C16orf74: variants seen among roughly 807,000 people sequenced by gnomAD.
C16orf74 encodes the protein uncharacterized protein C16orf74.
A neutral mutation model predicts 6.5 loss-of-function variants in C16orf74; 10 were observed. The ratio of observed to expected loss-of-function variants is 1.54; its 90% CI spans 0.95 to 2.61. The LOEUF (loss-of-function observed/expected upper bound fraction) is 2.61. Among genes scored for constraint, C16orf74 ranks in the 30% most tolerant of loss-of-function variants. C16orf74 has a pLI of 0.00. For synonymous variants in C16orf74, 60 were observed against 42.5 expected (o/e 1.41, Z -1.60); for missense variants, 141 against 105.9 (o/e 1.33, Z -1.45).
chr16:85,740,413 C>G (rs2054291829), intron 1 of C16orf74, among the ~76,000 whole-genome samples: 1 of 150,954 alleles, frequency 6.6e-6, no homozygotes, highest in Non-Finnish European at 1.5e-5. Context: ...AAAAAATTAT[C>G]CAGGTGTGGC....
Position 85,710,150 on chromosome 16 carries a change from G to A in C16orf74, c.172+14C>T, listed in dbSNP as rs930542153. 7.1e-6 allele frequency: 10 copies of A among 1,412,604 alleles called. No homozygotes were observed. Among genetic ancestry groups the A allele is most frequent in the South Asian group, 3.3e-5 (2 of 60,262 alleles). 87.5% of individuals were successfully genotyped at this position (1,412,604 alleles called of 1,614,324 possible). On this transcript the variant is annotated intron_variant, in intron 3 of 3. Coordinates refer to ENST00000284245, the MANE Select transcript of C16orf74 (RefSeq NM_206967.3). ...ACAGCCGACCCGGCTTGGCGGTGGA[G>A]GGGACGGCCTCACCTGTGCTCCCCA...
intron 1 of C16orf74, among the ~76,000 whole-genome samples, chr16:85,738,818 T>C (rs1302274417): frequency 6.6e-6 from 1 of 152,014 alleles, no homozygotes; most frequent in Non-Finnish European, 1.5e-5. Flanking sequence ...TCAGAGCCCT[T>C]TATGTGTATT....
intron 2 of C16orf74, among the ~76,000 whole-genome samples, chr16:85,711,544 A>G (rs1031114166): frequency 1.3e-5 from 2 of 151,262 alleles, no homozygotes; most frequent in African/African-American, 4.9e-5. Flanking sequence ...AATTGCTTGA[A>G]TCCGGGAGGC....
At chr16:85,708,202 AG>A in intron 3 of C16orf74, 136 bp from the exon 4 acceptor site, 1 of 722,060 alleles carries the variant, frequency 1.4e-6, no homozygotes, top group Non-Finnish European at 2.3e-6. Flanking sequence ...GATGGGACCC[AG>A]CCCAGTGATG....
rs576226889 is a variant in C16orf74 at position 85,729,524 on chromosome 16, G to C, written c.28+5666C>G. Among the ~76,000 whole-genome samples, 4 of 152,356 alleles carry C rather than the reference G, an allele frequency of 2.6e-5. No homozygotes were observed. In the East Asian group the frequency reaches 5.8e-4, roughly 22 times the overall value. On this transcript the variant is annotated intron_variant, in intron 2 of 3. Coordinates refer to ENST00000284245, the MANE Select transcript of C16orf74 (RefSeq NM_206967.3). ...CACATTCCTGCCCCCCACAGGGGAAGCTCAGAGGTGAACTGACTTAATGGG... is the reference window on the plus strand; with the variant it reads ...CACATTCCTGCCCCCCACAGGGGAACCTCAGAGGTGAACTGACTTAATGGG...
At chr16:85,711,349 T>G (rs969629039) in intron 2 of C16orf74, among the ~76,000 whole-genome samples, 6 of 144,276 alleles carry the variant, frequency 4.2e-5, no homozygotes, top group Non-Finnish European at 7.5e-5. Context: ...GCGTGGTGGC[T>G]CATACCTGTA....
At chr16:85,725,943 T>G (rs2054128526) in intron 2 of C16orf74, among the ~76,000 whole-genome samples, 1 of 152,112 alleles carries the variant, frequency 6.6e-6, no homozygotes, top group Non-Finnish European at 1.5e-5. Context: ...TATCACCTGC[T>G]GGCCCCAGGG....
intron 1 of C16orf74, chr16:85,741,576 GT>G (rs1567812887): frequency 2.9e-5 from 5 of 170,344 alleles, no homozygotes; most frequent in African/African-American, 1.2e-4. Context: ...CACGTGGAGA[GT>G]TTTCACACAG....
At chr16:85,728,513 G>C (rs2054156307) in intron 2 of C16orf74, among the ~76,000 whole-genome samples, 1 of 152,136 alleles carries the variant, frequency 6.6e-6, no homozygotes, top group East Asian at 1.9e-4. Context: ...CCAGGCTGGA[G>C]CTGACGCCCA....
rs141310629 is a variant in C16orf74, at chr16:85,742,033, G to C, written c.-18-6798C>G. ...TGCTTGGTGCCGTCCTCACAGTAAT[G>C]GATGAGTTCGCTCCCTATTGGTTCC... is the stretch of plus-strand genomic sequence containing the variant. On this transcript the variant is annotated intron_variant, in intron 1 of 3. Coordinates refer to ENST00000284245, the MANE Select transcript of C16orf74 (RefSeq NM_206967.3). Among the ~76,000 whole-genome samples the C allele has an allele frequency of 6.9e-3, 1,056 of 152,264 alleles. 14 individuals carry two copies. Among genetic ancestry groups the C allele is most frequent in the African/African-American group, 0.024 (1,003 of 41,556 alleles).
intron 1 of C16orf74, among the ~76,000 whole-genome samples, chr16:85,743,967 C>T (rs942002799): frequency 2.6e-5 from 4 of 151,532 alleles, no homozygotes; most frequent in East Asian, 1.9e-4. Context: ...GGCAGGAGAA[C>T]GGTGAGAACC....
chr16:85,729,923 A>C (rs2054170831), intron 2 of C16orf74, among the ~76,000 whole-genome samples: 1 of 152,160 alleles, frequency 6.6e-6, no homozygotes, highest in East Asian at 1.9e-4. Context: ...TAAGCCCCCC[A>C]GCGTGGTCAT....
chr16:85,732,061 C>G (rs1194174654), intron 2 of C16orf74, among the ~76,000 whole-genome samples: 1 of 152,174 alleles, frequency 6.6e-6, no homozygotes, highest in East Asian at 1.9e-4. Flanking sequence ...AAGCAAATGA[C>G]AGTTGTCCTT....
chr16:85,714,228 G>C (rs749610477), intron 2 of C16orf74, among the ~76,000 whole-genome samples: 1 of 151,988 alleles, frequency 6.6e-6, no homozygotes, highest in Non-Finnish European at 1.5e-5. Context: ...AGGTGACCAT[G>C]ATGAGCCCCC....
In C16orf74 at chr16:85,729,614, T is replaced by G. The variant is rs1490095670; in HGVS notation, c.28+5576A>C. Among the ~76,000 whole-genome samples, 6 of 152,330 alleles carry G rather than the reference T, an allele frequency of 3.9e-5. No homozygotes were observed. In the East Asian group the frequency reaches 1.2e-3, roughly 29 times the overall value. On this transcript the variant is annotated intron_variant, in intron 2 of 3. Transcript: ENST00000284245. ...CTCAGAATATGACCTTATTTGGAAA[T>G]GAGGTCTTTGCCGATGTAATTAGTT...
chr16:85,744,533 A>C (rs1207622728), intron 1 of C16orf74, among the ~76,000 whole-genome samples: 1 of 152,154 alleles, frequency 6.6e-6, no homozygotes, highest in Non-Finnish European at 1.5e-5. Flanking sequence ...CCAGGCATAA[A>C]AATCTCCCTG....
intron 1 of C16orf74, among the ~76,000 whole-genome samples, chr16:85,749,819 T>C (rs1290738104): frequency 2.0e-5 from 3 of 152,182 alleles, no homozygotes; most frequent in Non-Finnish European, 4.4e-5. Context: ...CCCACCGGCA[T>C]GGGAAGGCGC....
intron 3 of C16orf74, 103 bp downstream of exon 3, chr16:85,710,061 G>A (rs533042909): frequency 2.2e-5 from 21 of 976,474 alleles, no homozygotes; most frequent in Admixed American, 8.4e-5. Flanking sequence ...GTGGGAGGTG[G>A]GGACGCAAGC....
intron 2 of C16orf74, among the ~76,000 whole-genome samples, chr16:85,732,749 C>G (rs1457176074): frequency 2.0e-5 from 3 of 151,060 alleles, no homozygotes; most frequent in Non-Finnish European, 4.4e-5. Context: ...TGGGCCTCAT[C>G]ACCTCCAGAG....
Sources: gnomAD v4.1 joint callset for allele counts (sites outside exome capture counted in the v4.1 genomes callset) on GRCh38, gnomAD v4.1.1 for gene constraint, MANE v1.5 for transcripts, NCBI Gene and HGNC (gene_info 2026-07-23, HGNC 2026-07-21) for gene names.